Variants in CEP152 observed in about 807,000 individuals in gnomAD.
CEP152 encodes centrosomal protein of 152 kDa.
A neutral mutation model predicts 188.9 loss-of-function variants in CEP152; 132 were observed. The observed-to-expected ratio is 0.70, with a 90% CI of 0.61 to 0.81. The LOEUF is 0.81. CEP152 is among the 30% of genes least tolerant of loss of function. The pLI, the probability that CEP152 is intolerant of heterozygous loss-of-function variation, is 0.00. For synonymous variants in CEP152, 649 were observed against 666.6 expected (o/e 0.97, Z 0.41); for missense variants, 1,914 against 1,969.8 (o/e 0.97, Z 0.54).
At chr15:48,774,979 T>C (rs984984885) in intron 12 of CEP152, among the ~76,000 whole-genome samples, 1 of 151,810 alleles carries the variant, frequency 6.6e-6, no homozygotes, top group Admixed American at 6.6e-5. Context: ...AGAAATGTTA[T>C]TAAGTAAACA....
chr15:48,749,692 G>C (rs962594034), intron 21 of CEP152, among the ~76,000 whole-genome samples: 1 of 151,828 alleles, frequency 6.6e-6, no homozygotes, highest in Non-Finnish European at 1.5e-5. Flanking sequence ...AAAAAATGAA[G>C]GTGGAAGCAG....
At chr15:48,792,960 T>C (rs1897079421) in intron 7 of CEP152, among the ~76,000 whole-genome samples, 1 of 152,090 alleles carries the variant, frequency 6.6e-6, no homozygotes, top group Non-Finnish European at 1.5e-5. Flanking sequence ...TAGATGGGAT[T>C]ACAGGTGCCT....
chr15:48,798,150 A>C (rs1298815311), intron 2 of CEP152, 99 bp from the exon 3 acceptor site: 3 of 827,888 alleles, frequency 3.6e-6, no homozygotes, highest in East Asian at 5.2e-5. Flanking sequence ...TAGAGGTCAA[A>C]GAAGTTCATA....
intron 11 of CEP152, among the ~76,000 whole-genome samples, chr15:48,781,705 C>G (rs1049023973): frequency 6.6e-6 from 1 of 152,120 alleles, no homozygotes; most frequent in African/African-American, 2.4e-5. Context: ...TTGCCAAGAA[C>G]AGGTTGTACT....
chr15:48,767,807 A>G (rs920103408), intron 15 of CEP152, among the ~76,000 whole-genome samples: 1 of 152,214 alleles, frequency 6.6e-6, no homozygotes, highest in Non-Finnish European at 1.5e-5. Context: ...CAAGTCATCT[A>G]TATTAAACAC....
Position 48,744,223 on chromosome 15 carries a change from T to G in CEP152, c.3835+17A>C. Reference sequence around the variant, plus strand: ...AAAGGCCCAAGCCATCCTTAAAATCTTCAGAATTAAACTTACATTTAATTT... The same window carrying G: ...AAAGGCCCAAGCCATCCTTAAAATCGTCAGAATTAAACTTACATTTAATTT... On this transcript the variant is annotated intron_variant, in intron 24 of 26. Coordinates refer to ENST00000380950, the MANE Select transcript of CEP152 (RefSeq NM_001194998.2). The G allele has an allele frequency of 6.2e-7, 1 of 1,613,504 alleles. No individual in the cohort carries two copies. Among genetic ancestry groups the G allele is most frequent in the African/African-American group, 1.3e-5 (1 of 74,986 alleles).
At chr15:48,748,808 A>C (rs1001554333) in intron 21 of CEP152, among the ~76,000 whole-genome samples, 198 bp from the exon 22 acceptor site, 1 of 151,898 alleles carries the variant, frequency 6.6e-6, no homozygotes, top group African/African-American at 2.4e-5. Context: ...TGTGACTTGG[A>C]GCATATTAAT....
Position 48,738,125 on chromosome 15 carries a change from C to G in CEP152, c.*124G>C. ...CAAGCAATTTTAGAAGAATGCTTTA[C>G]TTATATAACAGATGTTATTAAAACA... is the stretch of plus-strand genomic sequence containing the variant. On this transcript the variant is annotated 3_prime_UTR_variant, in exon 27 of 27. Transcript: ENST00000380950. The G allele has an allele frequency of 9.9e-7, 1 of 1,014,028 alleles. No homozygotes were observed. Among genetic ancestry groups the G allele is most frequent in the South Asian group, 1.8e-5 (1 of 57,034 alleles). 62.8% of individuals were successfully genotyped at this position (1,014,028 alleles called of 1,614,324 possible). A position where few individuals can be genotyped will look rare whatever the true frequency, so the allele number is the denominator to read the frequency against.
At chr15:48,801,918 A>G (rs1311365802) in intron 2 of CEP152, among the ~76,000 whole-genome samples, 1 of 152,066 alleles carries the variant, frequency 6.6e-6, no homozygotes, top group African/African-American at 2.4e-5. Context: ...ACATGGCAAA[A>G]CCCTGTCTCT....
chr15:48,783,910 C>CT, intron 10 of CEP152, 63 bp downstream of exon 10: 1 of 1,568,388 alleles, frequency 6.4e-7, no homozygotes, highest in Non-Finnish European at 8.8e-7. Context: ...ATGGATCCTA[C>CT]TACATTCTTT....
intron 12 of CEP152, among the ~76,000 whole-genome samples, chr15:48,780,797 C>T (rs752781711): frequency 1.4e-4 from 21 of 152,166 alleles, no homozygotes; most frequent in Non-Finnish European, 2.6e-4. Flanking sequence ...ATCTTTTGTA[C>T]TCTATTCCCA....
intron 9 of CEP152, among the ~76,000 whole-genome samples, chr15:48,785,893 G>A (rs1164299502): frequency 1.4e-5 from 2 of 142,736 alleles, no homozygotes; most frequent in African/African-American, 5.5e-5. Flanking sequence ...GCAACAGGGC[G>A]AGACTCCATC....
rs370240823 is a variant in CEP152 at position 48,772,468 on chromosome 15, C to G, written c.1782+19G>C. On this transcript the variant is annotated intron_variant, in intron 13 of 26. Coordinates refer to ENST00000380950, the MANE Select transcript of CEP152 (RefSeq NM_001194998.2). ...GAGCCTTTTAAAAATGGTTTTTTAA[C>G]TCTATAGGCTTTACATACCTCAACC... 1 of 1,599,780 alleles carries G rather than the reference C, an allele frequency of 6.3e-7. No individual in the cohort carries two copies. Among genetic ancestry groups the G allele is most frequent in the Non-Finnish European group, 8.5e-7 (1 of 1,172,302 alleles).
At chr15:48,755,869 T>C in intron 20 of CEP152, 34 bp downstream of exon 20, 1 of 1,611,968 alleles carries the variant, frequency 6.2e-7, no homozygotes, top group South Asian at 1.1e-5. Flanking sequence ...TCATTCTTGG[T>C]GTTCAATACC....
At chr15:48,730,648 A>G (rs533953881) in intron 2 of CEP152, among the ~76,000 whole-genome samples, 10 of 152,322 alleles carry the variant, frequency 6.6e-5, no homozygotes, top group South Asian at 2.1e-4. Flanking sequence ...ATGAAGACCT[A>G]CTGACTCAAG....
At chr15:48,789,432 C>CT (rs1441740740) in intron 8 of CEP152, 77 of 216,974 alleles carry the variant, frequency 3.5e-4, no homozygotes, top group African/African-American at 1.7e-3. Context: ...TGGTCACTTA[C>CT]TAAAAACAAA....
chr15:48,776,684 G>A (rs1466146760), intron 12 of CEP152, among the ~76,000 whole-genome samples: 1 of 151,976 alleles, frequency 6.6e-6, no homozygotes, highest in African/African-American at 2.4e-5. Context: ...AATATTCAAA[G>A]ATTTCAGAAT....
chr15:48,738,557 T>C lies in CEP152; in HGVS notation c.4825A>G (p.Lys1609Glu). 1 of 1,614,216 alleles carries C rather than the reference T, an allele frequency of 6.2e-7. No individual in the cohort carries two copies. ...LEIPSESVKS[K>E]QFSPSGYLSD... Reference sequence around the variant, plus strand: ...AGATAACCGGATGGTGAAAACTGTTTGGATTTAACAGATTCACTTGGTATT... The same window carrying C: ...AGATAACCGGATGGTGAAAACTGTTCGGATTTAACAGATTCACTTGGTATT... The change falls in exon 27 of 27, where the codon AAA (lysine) becomes GAA (glutamate). Residue 1609 changes from lysine to glutamate, a missense_variant. By Grantham distance (56) the Lys-to-Glu change is moderately conservative. Coordinates refer to ENST00000380950, the MANE Select transcript of CEP152 (RefSeq NM_001194998.2).
chr15:48,809,869 T>G (rs1209817064), intron 1 of CEP152, among the ~76,000 whole-genome samples: 1 of 152,220 alleles, frequency 6.6e-6, no homozygotes, highest in Non-Finnish European at 1.5e-5. Context: ...AAGGTGAATG[T>G]GCAGCCTATG....
Sources: allele counts gnomAD v4.1 joint callset (sites outside exome capture counted in the v4.1 genomes callset), GRCh38; gene constraint gnomAD v4.1.1; transcripts MANE v1.5; gene names NCBI Gene and HGNC (gene_info 2026-07-23, HGNC 2026-07-21).